Variants in RNGTT observed in about 807,000 individuals in gnomAD.
The protein encoded by RNGTT is RNA guanylyltransferase and 5'-phosphatase.
Under a neutral mutation model 79.3 loss-of-function variants are expected in RNGTT, and 33 were observed. That is an observed-to-expected ratio of 0.42 (90% CI 0.32 to 0.56). RNGTT has a LOEUF of 0.56. Ranked by LOEUF, RNGTT falls within the 20% of genes least tolerant of loss-of-function variation. The pLI, the probability that RNGTT is intolerant of heterozygous loss-of-function variation, is 0.17. For synonymous variants in RNGTT, 222 were observed against 235.9 expected (o/e 0.94, Z 0.54); for missense variants, 497 against 739.1 (o/e 0.67, Z 3.80).
At chr6:88,905,422 T>C (rs1473079786) in intron 5 of RNGTT, among the ~76,000 whole-genome samples, 1 of 152,220 alleles carries the variant, frequency 6.6e-6, no homozygotes, top group African/African-American at 2.4e-5. Flanking sequence ...GGAGAGCATC[T>C]GAATGGTCAG....
At chr6:88,836,042 CAT>C (rs138214447) in intron 11 of RNGTT, among the ~76,000 whole-genome samples, 38,169 of 135,844 alleles carry the variant, frequency 0.28, 5,529 homozygotes, top group Non-Finnish European at 0.32. Flanking sequence ...ATAAGATTTA[CAT>C]ATATATATAT....
chr6:88,904,268 C>T (rs1305071834), intron 6 of RNGTT, among the ~76,000 whole-genome samples: 1 of 152,060 alleles, frequency 6.6e-6, no homozygotes, highest in Admixed American at 6.5e-5. Context: ...AAGACAGACT[C>T]GTGGCTATTA....
At chr6:88,690,820 A>G (rs1775451238) in intron 13 of RNGTT, among the ~76,000 whole-genome samples, 1 of 152,218 alleles carries the variant, frequency 6.6e-6, no homozygotes. Context: ...TAAGTTGAAC[A>G]TATGACTACT....
At chr6:88,862,345 C>T (rs1425848997) in intron 8 of RNGTT, among the ~76,000 whole-genome samples, 2 of 152,128 alleles carry the variant, frequency 1.3e-5, no homozygotes, top group African/African-American at 2.4e-5. Flanking sequence ...CTCACGCCTA[C>T]ATAATGAAGC....
At chr6:88,643,955 G>C (rs1300210834) in intron 14 of RNGTT, among the ~76,000 whole-genome samples, 3 of 152,040 alleles carry the variant, frequency 2.0e-5, no homozygotes, top group Admixed American at 1.3e-4. Context: ...AGAGAAGCAA[G>C]AGCAAACACA....
intron 13 of RNGTT, among the ~76,000 whole-genome samples, chr6:88,736,118 A>G (rs548174366): frequency 1.8e-4 from 27 of 152,284 alleles, no homozygotes; most frequent in African/African-American, 6.5e-4. Context: ...CAAGCTACCA[A>G]AAGTCATAGA....
chr6:88,949,158 T>TGAAAAAAAAAAAAAAAAAAAAAAAA (rs1785144154), intron 1 of RNGTT, among the ~76,000 whole-genome samples: 5 of 18,020 alleles, frequency 2.8e-4, no homozygotes, highest in African/African-American at 1.0e-3. Context: ...TAAAATAAAA[T>TGAAAAAAAAAAAAAAAAAAAAAAAA]GAAAAAAAAA....
Position 88,906,450 on chromosome 6 carries a change from A to T in RNGTT, c.368-10T>A, listed in dbSNP as rs371964003. On this transcript the variant is annotated splice_polypyrimidine_tract_variant and intron_variant, in intron 4 of 15. Transcript: ENST00000369485. Reference sequence around the variant, plus strand: ...TGAGTACAATGAACACCTAGAAAATAAAGTAGCTTTGGTTAAAATTAACAA... The same window carrying T: ...TGAGTACAATGAACACCTAGAAAATTAAGTAGCTTTGGTTAAAATTAACAA... 2 of 1,563,730 alleles carry T rather than the reference A, an allele frequency of 1.3e-6. No individual in the cohort carries two copies. Among genetic ancestry groups the T allele is most frequent in the African/African-American group, 2.7e-5 (2 of 73,034 alleles).
chr6:88,904,574 A>AC, intron 6 of RNGTT, 141 bp downstream of exon 6: 1 of 867,696 alleles, frequency 1.2e-6, no homozygotes. Flanking sequence ...AAAAAAAAAA[A>AC]TTTTTTTTTT....
intron 14 of RNGTT, among the ~76,000 whole-genome samples, chr6:88,663,809 G>C (rs1418161033): frequency 6.6e-6 from 1 of 152,154 alleles, no homozygotes; most frequent in Non-Finnish European, 1.5e-5. Flanking sequence ...CGGTATACTG[G>C]GGTAAATGAG....
At chr6:88,904,003 T>C (rs1783560573) in intron 6 of RNGTT, among the ~76,000 whole-genome samples, 1 of 152,170 alleles carries the variant, frequency 6.6e-6, no homozygotes, top group Non-Finnish European at 1.5e-5. Flanking sequence ...TTTAATTTTA[T>C]GGAAACCATG....
chr6:88,635,970 T>C (rs965286960), intron 14 of RNGTT, among the ~76,000 whole-genome samples: 1 of 152,020 alleles, frequency 6.6e-6, no homozygotes, highest in Non-Finnish European at 1.5e-5. Flanking sequence ...TGGGAGCATA[T>C]CCTCCTTTTT....
chr6:88,917,458 C>T (rs78767350), intron 4 of RNGTT, among the ~76,000 whole-genome samples: 3,327 of 151,990 alleles, frequency 0.022, 121 homozygotes, highest in African/African-American at 0.076. Flanking sequence ...GTAAGAAATG[C>T]CAAATGCAGT....
At chr6:88,624,631 A>G (rs984855771) in intron 14 of RNGTT, among the ~76,000 whole-genome samples, 4 of 151,966 alleles carry the variant, frequency 2.6e-5, no homozygotes, top group Non-Finnish European at 5.9e-5. Flanking sequence ...AACTTCTAAA[A>G]GAAAACATAA....
At chr6:88,927,434 G>A (rs141650832) in intron 4 of RNGTT, among the ~76,000 whole-genome samples, 4,194 of 152,060 alleles carry the variant, frequency 0.028, 79 homozygotes, top group Non-Finnish European at 0.046. Context: ...AGGCTGAGGC[G>A]GGCAGATCAC....
In RNGTT at chr6:88,763,087, C is replaced by CTT. The variant is rs59200191; in HGVS notation, c.1439+6685_1439+6686dup. Among the ~76,000 whole-genome samples the CTT allele has an allele frequency of 7.1e-3, 677 of 95,474 alleles. 77 individuals are homozygous for CTT. Among genetic ancestry groups the CTT allele is most frequent in the African/African-American group, 0.032 (626 of 19,828 alleles). 62.6% of individuals were successfully genotyped at this position (95,474 alleles called of 152,430 possible). On this transcript the variant is annotated intron_variant, in intron 13 of 15. Coordinates refer to ENST00000369485, the MANE Select transcript of RNGTT (RefSeq NM_003800.5). ...TACAGGCATGTGCCATCATGGCCAG[C>CTT]TTTTTTTTTTTTTTTTTTTTTTTTT...
intron 13 of RNGTT, among the ~76,000 whole-genome samples, chr6:88,699,143 G>C (rs1562202985): frequency 6.6e-6 from 1 of 152,116 alleles, no homozygotes; most frequent in East Asian, 1.9e-4. Flanking sequence ...ATGAACTTCT[G>C]AAGCAGTTTA....
chr6:88,746,594 C>T (rs1777666203), intron 13 of RNGTT, among the ~76,000 whole-genome samples: 1 of 152,152 alleles, frequency 6.6e-6, no homozygotes. Context: ...CAACTTAGAT[C>T]CCTTGCATGA....
intron 4 of RNGTT, among the ~76,000 whole-genome samples, chr6:88,927,638 G>A (rs1784363266): frequency 6.7e-6 from 1 of 148,794 alleles, no homozygotes; most frequent in South Asian, 2.1e-4. Flanking sequence ...CTCCAGCCAG[G>A]GGAACAAGAG....
Sources: gnomAD v4.1 joint callset for allele counts (sites outside exome capture counted in the v4.1 genomes callset) on GRCh38, gnomAD v4.1.1 for gene constraint, MANE v1.5 for transcripts, NCBI Gene and HGNC (gene_info 2026-07-23, HGNC 2026-07-21) for gene names.